CDK14: variants seen among roughly 807,000 people sequenced by gnomAD.
The protein encoded by CDK14 is cyclin-dependent kinase 14.
A neutral mutation model predicts 60.7 loss-of-function variants in CDK14; 34 were observed. The observed-to-expected ratio is 0.56, with a 90% CI of 0.43 to 0.75. The LOEUF is 0.75. Ranked by LOEUF, CDK14 falls within the 30% of genes least tolerant of loss-of-function variation. The pLI is 0.00. For missense variants in CDK14, 482 were observed against 564.1 expected (o/e 0.85, Z 1.47); for synonymous variants, 197 against 203.7 (o/e 0.97, Z 0.28).
chr7:90,964,402 C>T (rs1794697054), intron 9 of CDK14, among the ~76,000 whole-genome samples: 1 of 152,178 alleles, frequency 6.6e-6, no homozygotes, highest in African/African-American at 2.4e-5. Context: ...TCTGCCACTT[C>T]TTAGCTGGGT....
intron 7 of CDK14, among the ~76,000 whole-genome samples, chr7:90,907,152 A>G (rs768590265): frequency 2.6e-5 from 4 of 152,076 alleles, no homozygotes; most frequent in African/African-American, 4.8e-5. Flanking sequence ...AGGCATTGCA[A>G]CCAGTTTGTA....
chr7:91,193,170 G>T (rs889657095), intron 14 of CDK14, among the ~76,000 whole-genome samples: 5 of 152,028 alleles, frequency 3.3e-5, no homozygotes, highest in Non-Finnish European at 7.4e-5. Context: ...TAAAATTATG[G>T]CTAGATGGTG....
chr7:90,793,503 T>C (rs1168901550), intron 5 of CDK14, among the ~76,000 whole-genome samples: 1 of 152,180 alleles, frequency 6.6e-6, no homozygotes, highest in Non-Finnish European at 1.5e-5. Context: ...TGAGGAGAAG[T>C]GTTCCAGACA....
At position 90,955,686 on chromosome 7, in the gene CDK14, A is replaced by G. The variant is rs376591566; in HGVS notation, c.827-11A>G. ...CCTGTTAAACTTCTTTATGTTTCATATAACCCACAGGTCTTGCAAGAGCAA... is the reference window on the plus strand; with the variant it reads ...CCTGTTAAACTTCTTTATGTTTCATGTAACCCACAGGTCTTGCAAGAGCAA... On this transcript the variant is annotated splice_polypyrimidine_tract_variant and intron_variant, in intron 8 of 14. Transcript: ENST00000380050. 481 of 1,612,428 alleles carry G rather than the reference A, an allele frequency of 3.0e-4. No homozygotes were observed. Among genetic ancestry groups the G allele is most frequent in the Non-Finnish European group, 3.9e-4 (454 of 1,178,884 alleles).
At chr7:90,873,696 CT>C (rs958054397) in intron 6 of CDK14, among the ~76,000 whole-genome samples, 34 of 152,186 alleles carry the variant, frequency 2.2e-4, no homozygotes, top group African/African-American at 7.7e-4. Flanking sequence ...TTACCTTCAA[CT>C]TTCCACTTTT....
At chr7:90,671,208 C>T (rs545703962) in intron 2 of CDK14, among the ~76,000 whole-genome samples, 1 of 152,052 alleles carries the variant, frequency 6.6e-6, no homozygotes, top group African/African-American at 2.4e-5. Context: ...ATACCTATTT[C>T]CAGCGTTCAG....
At chr7:90,640,679 G>A (rs1048891047) in intron 2 of CDK14, among the ~76,000 whole-genome samples, 1 of 151,968 alleles carries the variant, frequency 6.6e-6, no homozygotes, top group Non-Finnish European at 1.5e-5. Flanking sequence ...GAAAAGATAG[G>A]CCTCTGTGGT....
intron 5 of CDK14, among the ~76,000 whole-genome samples, chr7:90,821,025 G>A (rs968741080): frequency 7.9e-5 from 12 of 152,156 alleles, no homozygotes; most frequent in African/African-American, 2.7e-4. Flanking sequence ...ATCTGCTTTT[G>A]AGTTTCATTG....
chr7:90,880,753 G>C (rs1464770033), intron 6 of CDK14, among the ~76,000 whole-genome samples: 1 of 152,118 alleles, frequency 6.6e-6, no homozygotes, highest in Non-Finnish European at 1.5e-5. Context: ...CTGCTCTGCA[G>C]CCTCCTTGAG....
intron 5 of CDK14, among the ~76,000 whole-genome samples, chr7:90,829,829 C>A (rs989745793): frequency 1.3e-5 from 2 of 152,160 alleles, no homozygotes; most frequent in Non-Finnish European, 2.9e-5. Context: ...CACTGCCCGG[C>A]TAGTCATTAA....
Position 90,596,505 on chromosome 7 carries a change from C to T in CDK14, c.-123C>T, listed in dbSNP as rs1393196445. 4.0e-6 allele frequency: 3 copies of T among 752,380 alleles called. No individual in the cohort carries two copies. The highest frequency in any genetic ancestry group is 5.5e-5 in the East Asian group (2 of 36,502). The allele number at this position is 752,380 out of a possible 1,614,324, so 46.6% of individuals were successfully genotyped here. ...GCCTCCCTAGACCTGCGCGTCGCTT[C>T]CCGGCCCGCCGAGGAGGTGGTGGAG... On this transcript the variant is annotated 5_prime_UTR_variant, in exon 1 of 15. Transcript: ENST00000380050.
At chr7:91,175,102 G>A (rs537344265) in intron 14 of CDK14, among the ~76,000 whole-genome samples, 15 of 147,762 alleles carry the variant, frequency 1.0e-4, no homozygotes, top group East Asian at 4.1e-4. Flanking sequence ...GACTAACAGC[G>A]GATCTCTCGG....
chr7:90,962,659 C>G (rs963243691), intron 9 of CDK14, among the ~76,000 whole-genome samples: 2 of 152,018 alleles, frequency 1.3e-5, no homozygotes, highest in African/African-American at 4.8e-5. Context: ...TGTTCACTAC[C>G]AAATATTTTT....
Position 90,684,783 on chromosome 7 carries a change from G to A in CDK14, c.124-41784G>A, listed in dbSNP as rs1407009471. ...TTCTTTAAAACTTACCTGTCTGTCC[G>A]TCCATCCATCCATCCATTCATTTAT... On this transcript the variant is annotated intron_variant, in intron 2 of 14. Transcript: ENST00000380050. 4.6e-5 allele frequency among the ~76,000 whole-genome samples: 7 copies of A among 152,064 alleles called. No homozygotes were observed. In the South Asian group the frequency reaches 6.2e-4, roughly 14 times the overall value.
rs576584782 is a variant in CDK14, at chr7:90,878,581, T to C, written c.639+15312T>C. Among the ~76,000 whole-genome samples, 8 of 151,912 alleles carry C rather than the reference T, an allele frequency of 5.3e-5. No homozygotes were observed. In the South Asian group the frequency reaches 1.7e-3, roughly 31 times the overall value. On this transcript the variant is annotated intron_variant, in intron 6 of 14. Transcript: ENST00000380050. ...TCCTGTGTCCAAGACTTACAAAGAT[T>C]AATTTATAAATGTAGTTAACCCTTC...
intron 4 of CDK14, among the ~76,000 whole-genome samples, chr7:90,772,347 A>G (rs6953711): frequency 0.21 from 31,198 of 152,156 alleles, 3,338 homozygotes; most frequent in South Asian, 0.24. Flanking sequence ...AAGTGTTGGG[A>G]TCATTTTCCT....
At chr7:91,150,678 G>A (rs2115683835) in intron 14 of CDK14, among the ~76,000 whole-genome samples, 1 of 152,284 alleles carries the variant, frequency 6.6e-6, no homozygotes, top group East Asian at 1.9e-4. Context: ...GAAACACAAA[G>A]GATAGGATTT....
chr7:91,092,895 G>A (rs577750095), intron 12 of CDK14, among the ~76,000 whole-genome samples: 7 of 152,258 alleles, frequency 4.6e-5, no homozygotes, highest in African/African-American at 9.6e-5. Context: ...AAGAATATCC[G>A]TTGAAAGAAA....
intron 3 of CDK14, among the ~76,000 whole-genome samples, chr7:90,729,330 A>T (rs1360632257): frequency 8.9e-6 from 1 of 112,870 alleles, no homozygotes; most frequent in African/African-American, 3.4e-5. Flanking sequence ...GCCTTGGATC[A>T]TGTAGGTATC....
Sources: gnomAD v4.1 joint callset for allele counts (sites outside exome capture counted in the v4.1 genomes callset) on GRCh38, gnomAD v4.1.1 for gene constraint, MANE v1.5 for transcripts, NCBI Gene and HGNC (gene_info 2026-07-23, HGNC 2026-07-21) for gene names.